CYP1A1: variants seen among roughly 807,000 people sequenced by gnomAD.
CYP1A1 encodes cytochrome P450 1A1.
A neutral mutation model predicts 33.6 loss-of-function variants in CYP1A1; 43 were observed. That is an observed-to-expected ratio of 1.28 (90% CI 1.00 to 1.65). CYP1A1 has a LOEUF of 1.65. Among genes scored for constraint, CYP1A1 ranks in the 40% most tolerant of loss-of-function variants. The pLI, the probability that CYP1A1 is intolerant of heterozygous loss-of-function variation, is 0.00. For missense variants in CYP1A1, 637 were observed against 653.7 expected (o/e 0.97, Z 0.28); for synonymous variants, 280 against 257.8 (o/e 1.09, Z -0.83).
At position 74,722,851 on chromosome 15, in the gene CYP1A1, C is replaced by T. The variant is rs768956417; in HGVS notation, c.247G>A (p.Val83Met). 6.8e-6 allele frequency: 11 copies of T among 1,614,094 alleles called. No homozygotes were observed. The highest frequency in any genetic ancestry group is 1.7e-5 in the Admixed American group (1 of 60,016). Reference protein sequence around the residue: ...VLQIRIGSTPVVVLSGLDTIR... With the variant: ...VLQIRIGSTPMVVLSGLDTIR... ...GTGTCCAGGCCGCTCAGCACCACCA[C>T]GGGTGTGGAGCCAATTCGGATCTGC... is the stretch of plus-strand genomic sequence containing the variant. The change falls in exon 2 of 7, where the codon GTG (valine) becomes ATG (methionine). Residue 83 changes from valine (V) to methionine (M), a missense_variant. Physicochemically the swap from Val to Met is conservative, Grantham distance 21. Transcript: ENST00000379727.
Position 74,722,811 on chromosome 15 carries a change from AG to A in CYP1A1, c.286del (p.Leu96TrpfsTer47). On this transcript the variant is annotated frameshift_variant, in exon 2 of 7. Coordinates refer to ENST00000379727, the MANE Select transcript of CYP1A1 (RefSeq NM_001319217.2). LOFTEE classifies it high-confidence loss of function. Reference protein sequence around the residue: ...LSGLDTIRQALVRQGDDFKGR... With the variant: ...LSGLDTIRQAXVRQGDDFKGR... ...CTTGAAATCATCGCCCTGCCGCACC[AG>A]GGCCTGCCGGATGGTGTCCAGGCCG... The A allele has an allele frequency of 6.2e-7, 1 of 1,613,964 alleles. No individual in the cohort carries two copies. The highest frequency in any genetic ancestry group is 8.5e-7 in the Non-Finnish European group (1 of 1,180,022).
chr15:74,721,908 T>C, intron 2 of CYP1A1, 191 bp from the exon 3 acceptor site: 1 of 665,688 alleles, frequency 1.5e-6, no homozygotes, highest in Non-Finnish European at 2.5e-6. Context: ...CCCCAACTCA[T>C]GGGACATTTG....
Position 74,720,776 on chromosome 15 carries a change from T to A in CYP1A1, c.1254-2A>T. On this transcript the variant is annotated splice_acceptor_variant, in intron 6 of 6. Transcript: ENST00000379727. LOFTEE classifies it high-confidence loss of function. ...TCAGATGGGTTGACCCATAGCTTCC[T>A]GTAACCAGAGGGAGACAGCTGAAGT... 1.2e-6 allele frequency: 2 copies of A among 1,606,926 alleles called. No individual in the cohort carries two copies. Among genetic ancestry groups the A allele is most frequent in the Non-Finnish European group, 1.7e-6 (2 of 1,175,864 alleles).
intron 1 of CYP1A1, among the ~76,000 whole-genome samples, chr15:74,723,619 C>G (rs1329152930): frequency 6.6e-6 from 1 of 151,996 alleles, no homozygotes; most frequent in Non-Finnish European, 1.5e-5. Context: ...TGATTTTTCC[C>G]CTAACACATT....
At chr15:74,722,226 G>C (rs781571950) in intron 2 of CYP1A1, 47 bp downstream of exon 2, 3 of 1,519,452 alleles carry the variant, frequency 2.0e-6, no homozygotes, top group African/African-American at 2.7e-5. Flanking sequence ...CCCAGGCCCT[G>C]ATGCCATCTG....
At position 74,722,766 on chromosome 15, in the gene CYP1A1, G is replaced by C; in HGVS notation, c.332C>G (p.Thr111Ser). ...CTGACCATTACTGATGAGGGTGAAG[G>C]TGTAGAGGTCGGGCCGGCCCTTGAA... ...DDFKGRPDLY[T>S]FTLISNGQSM... Residue 111 changes from threonine to serine, a missense_variant, in exon 2 of 7, where the codon ACC becomes AGC. Thr to Ser is a moderately conservative substitution (Grantham distance 58). Transcript: ENST00000379727. The C allele has an allele frequency of 6.2e-7, 1 of 1,613,782 alleles. No homozygotes were observed. The highest frequency in any genetic ancestry group is 1.1e-5 in the South Asian group (1 of 91,080).
intron 1 of CYP1A1, 63 bp from the exon 2 acceptor site, chr15:74,723,189 T>C: frequency 1.1e-6 from 1 of 923,956 alleles, no homozygotes; most frequent in Non-Finnish European, 1.6e-6. Context: ...GAAAAGCCAA[T>C]ATCTAGAGTG....
At chr15:74,723,320 AGCCCT>A (rs1020820049) in intron 1 of CYP1A1, among the ~76,000 whole-genome samples, 194 bp from the exon 2 acceptor site, 26 of 152,324 alleles carry the variant, frequency 1.7e-4, no homozygotes, top group African/African-American at 6.3e-4. Flanking sequence ...TTCTTCATTC[AGCCCT>A]GGCCACAAAT....
In CYP1A1 at chr15:74,721,566, G is replaced by A. The variant is rs1427920346; in HGVS notation, c.952+25C>T. 6 of 1,614,062 alleles carry A rather than the reference G, an allele frequency of 3.7e-6. No individual in the cohort carries two copies. In the Middle Eastern group the frequency reaches 4.9e-4, roughly 133 times the overall value. On this transcript the variant is annotated intron_variant, in intron 3 of 6. Coordinates refer to ENST00000379727, the MANE Select transcript of CYP1A1 (RefSeq NM_001319217.2). ...AGCAGGTCAGGGCACTTGAGCACAG[G>A]AAGGACACAATGGGGTAACCATACC... is the stretch of plus-strand genomic sequence containing the variant.
chr15:74,722,192 T>G, intron 2 of CYP1A1, 81 bp downstream of exon 2: 1 of 1,179,792 alleles, frequency 8.5e-7, no homozygotes. Context: ...CCAAGCCCCA[T>G]GCAGTTCCTC....
chr15:74,725,128 G>C (rs1404366693), intron 1 of CYP1A1: 1 of 152,676 alleles, frequency 6.5e-6, no homozygotes, highest in Admixed American at 6.5e-5. Flanking sequence ...AGGTGGCCTT[G>C]ATGGGGAAGC....
intron 1 of CYP1A1, among the ~76,000 whole-genome samples, chr15:74,723,914 C>T (rs1162174248): frequency 6.6e-6 from 1 of 152,188 alleles, no homozygotes; most frequent in African/African-American, 2.4e-5. Context: ...CAGTTCTCTG[C>T]TGCTCAATCC....
At chr15:74,724,206 G>C (rs552891891) in intron 1 of CYP1A1, among the ~76,000 whole-genome samples, 7 of 152,102 alleles carry the variant, frequency 4.6e-5, no homozygotes, top group African/African-American at 9.7e-5. Flanking sequence ...CCACTAGGCT[G>C]TAAGAAAACC....
intron 2 of CYP1A1, 132 bp from the exon 3 acceptor site, chr15:74,721,849 TC>T (rs1409078942): frequency 8.6e-7 from 1 of 1,163,676 alleles, no homozygotes; most frequent in Non-Finnish European, 1.2e-6. Flanking sequence ...TGTCCCAGCT[TC>T]TCTCTGCCTC....
In CYP1A1 at chr15:74,721,263, T is replaced by C. The variant is rs766484540; in HGVS notation, c.1102A>G (p.Met368Val). The C allele has an allele frequency of 6.2e-7, 1 of 1,613,586 alleles. No homozygotes were observed. Among genetic ancestry groups the C allele is most frequent in the Middle Eastern group, 1.6e-4 (1 of 6,062 alleles). Residue 368 changes from methionine to valine, a missense_variant, in exon 5 of 7, where the codon ATG becomes GTG. By Grantham distance (21) the Met-to-Val change is conservative. Coordinates refer to ENST00000379727, the MANE Select transcript of CYP1A1 (RefSeq NM_001319217.2). ...AAGGTCTCCAGGATGAAGGCCTCCA[T>C]ATAGGGCAGATGGGATCTGTCAGAG... Reference protein sequence around the residue: ...RLSDRSHLPYMEAFILETFRH... With the variant: ...RLSDRSHLPYVEAFILETFRH...
intron 1 of CYP1A1, among the ~76,000 whole-genome samples, chr15:74,723,430 T>C (rs2063189998): frequency 6.6e-6 from 1 of 152,198 alleles, no homozygotes; most frequent in African/African-American, 2.4e-5. Flanking sequence ...CCAAGCCAAG[T>C]TGCCTAATTC....
chr15:74,722,586 A>T lies in CYP1A1; in HGVS notation c.512T>A (p.Ile171Lys), dbSNP rs1170643113. The stretch of plus-strand genomic sequence containing the variant: ...TGCCATCAGCTCCTGCAACGTGCTT[A>T]TCAGGACCTCAGCCTCCTTGCTCAC... The part of the protein sequence containing the change: ...EHVSKEAEVL[I>K]STLQELMAGP... The change falls in exon 2 of 7, where the codon ATA becomes AAA. Residue 171 changes from isoleucine (I) to lysine (K), a missense_variant. Physicochemically the swap from Ile to Lys is moderately radical, Grantham distance 102. Coordinates refer to ENST00000379727, the MANE Select transcript of CYP1A1 (RefSeq NM_001319217.2). The T allele has an allele frequency of 6.2e-7, 1 of 1,614,166 alleles. No homozygotes were observed.
chr15:74,721,084 G>C (rs1360921689), intron 5 of CYP1A1, 31 bp from the exon 6 acceptor site: 49 of 1,613,146 alleles, frequency 3.0e-5, no homozygotes, highest in East Asian at 6.7e-5. Flanking sequence ...GTCAGGCTCA[G>C]GGCAACAGGC....
intron 2 of CYP1A1, 85 bp from the exon 3 acceptor site, chr15:74,721,802 G>A (rs45512897): frequency 3.1e-5 from 48 of 1,536,116 alleles, no homozygotes; most frequent in Non-Finnish European, 3.4e-5. Context: ...ACTATTCCTA[G>A]CACATTTGTT....
Sources: gnomAD v4.1 joint callset for allele counts (sites outside exome capture counted in the v4.1 genomes callset) on GRCh38, gnomAD v4.1.1 for gene constraint, MANE v1.5 for transcripts, NCBI Gene and HGNC (gene_info 2026-07-23, HGNC 2026-07-21) for gene names.